CAPN8: variants seen among roughly 807,000 people sequenced by gnomAD.
CAPN8 encodes the protein calpain-8.
Under a neutral mutation model 80.9 loss-of-function variants are expected in CAPN8, and 87 were observed. The ratio of observed to expected loss-of-function variants is 1.07; its 90% CI spans 0.90 to 1.28. The LOEUF (loss-of-function observed/expected upper bound fraction) is 1.28. CAPN8 is among the 50% of genes most tolerant of loss of function. The pLI is 0.00. For missense variants in CAPN8, 757 were observed against 702.0 expected (o/e 1.08, Z -0.89); for synonymous variants, 299 against 273.8 (o/e 1.09, Z -0.91).
rs1656524192 is a variant in CAPN8 at position 223,543,300 on chromosome 1, C to T, written c.2030-134G>A. ...CCCCTACCACCCCCTCCCCTCCAGC[C>T]CCCACCTAGGCCCAGGGGCCTCAAA... is the stretch of plus-strand genomic sequence containing the variant. On this transcript the variant is annotated intron_variant, in intron 19 of 20. Coordinates refer to ENST00000366872, the MANE Select transcript of CAPN8 (RefSeq NM_001143962.2). 6 of 1,065,190 alleles carry T rather than the reference C, an allele frequency of 5.6e-6. No individual in the cohort carries two copies. In the South Asian group the frequency reaches 9.8e-5, roughly 17 times the overall value. The allele number at this position is 1,065,190 out of a possible 1,614,324, so 66.0% of individuals were successfully genotyped here.
At chr1:223,618,944 C>G (rs965596323) in intron 9 of CAPN8, among the ~76,000 whole-genome samples, 2 of 152,218 alleles carry the variant, frequency 1.3e-5, no homozygotes, top group Admixed American at 1.3e-4. Flanking sequence ...AATCCCAGAA[C>G]TTTGGGAGGC....
intron 1 of CAPN8, among the ~76,000 whole-genome samples, chr1:223,657,367 T>C (rs1393123742): frequency 6.6e-6 from 1 of 151,872 alleles, no homozygotes; most frequent in Admixed American, 6.6e-5. Context: ...TTAATTTAAA[T>C]GTTGTTTTTA....
chr1:223,626,966 A>T, intron 5 of CAPN8, 23 bp downstream of exon 5: 1 of 1,545,664 alleles, frequency 6.5e-7, no homozygotes, highest in Non-Finnish European at 8.8e-7. Flanking sequence ...GAGGTGGGGC[A>T]GTAGAGAAGC....
At chr1:223,623,543 T>C (rs1254319984) in intron 6 of CAPN8, among the ~76,000 whole-genome samples, 1 of 152,202 alleles carries the variant, frequency 6.6e-6, no homozygotes, top group Non-Finnish European at 1.5e-5. Flanking sequence ...CATAAGCCCC[T>C]TGGGCCCCTG....
Position 223,544,649 on chromosome 1 carries a change from T to C in CAPN8, c.1912+123A>G, listed in dbSNP as rs183891611. 2.2e-3 allele frequency: 2,990 copies of C among 1,362,858 alleles called. 4 individuals carry two copies. Among genetic ancestry groups the C allele is most frequent in the Non-Finnish European group, 2.7e-3 (2,733 of 1,004,952 alleles). The allele number at this position is 1,362,858 out of a possible 1,614,324, so 84.4% of individuals were successfully genotyped here. ...AAGGTACTCAACAAAGCTCTGTTGT[T>C]GCCTTGATATCCCATATAAGAAAGC... On this transcript the variant is annotated intron_variant, in intron 18 of 20. Transcript: ENST00000366872.
chr1:223,616,132 G>C lies in CAPN8; in HGVS notation c.1149C>G (p.Thr383=), dbSNP rs766632046. Reference sequence around the variant, plus strand: ...CCAAACGGATTTTGAACTGGGGATTGGTCCAGTACGTGGCTGGAAGTCACC... The same window carrying C: ...CCAAACGGATTTTGAACTGGGGATTCGTCCAGTACGTGGCTGGAAGTCACC... ...GCQNYPATYW[T]NPQFKIRLDE... is the part of the protein sequence containing the mutation. Residue 383 remains threonine (T), a synonymous_variant, in exon 10 of 21, where the codon ACC becomes ACG. Transcript: ENST00000366872. 2 of 1,548,696 alleles carry C rather than the reference G, an allele frequency of 1.3e-6. No homozygotes were observed. The highest frequency in any genetic ancestry group is 2.4e-5 in the South Asian group (2 of 83,936).
chr1:223,657,343 AAG>A (rs954719258), intron 1 of CAPN8, among the ~76,000 whole-genome samples: 7 of 152,172 alleles, frequency 4.6e-5, no homozygotes, highest in African/African-American at 1.7e-4. Flanking sequence ...AGTAAAAAGA[AAG>A]AGAAAAAAAT....
At position 223,546,014 on chromosome 1, in the gene CAPN8, A is replaced by G. The variant is rs1355879301; in HGVS notation, c.1765-715T>C. ...ATTTTTTTTTTTTTTTTTTTTTTTT[A>G]GTAGAGATGGTTTCACCATGTTGGC... is the stretch of plus-strand genomic sequence containing the variant. On this transcript the variant is annotated intron_variant, in intron 16 of 20. Transcript: ENST00000366872. Among the ~76,000 whole-genome samples, 9 of 88,486 alleles carry G rather than the reference A, an allele frequency of 1.0e-4. No individual in the cohort carries two copies. The South Asian group carries it at 2.7e-3, about 26-fold the overall frequency. 58.1% of individuals were successfully genotyped at this position (88,486 alleles called of 152,430 possible). A position where few individuals can be genotyped will look rare whatever the true frequency, so the allele number is the denominator to read the frequency against.
Position 223,609,135 on chromosome 1 carries a change from G to C in CAPN8, c.1535+18C>G. ...CCCACAGACAACTGTTCCCCACCACGGAGGGAAGGAGACGCACAGGGCCTG... is the reference window on the plus strand; with the variant it reads ...CCCACAGACAACTGTTCCCCACCACCGAGGGAAGGAGACGCACAGGGCCTG... On this transcript the variant is annotated intron_variant, in intron 12 of 20. Transcript: ENST00000366872. 7.5e-6 allele frequency: 3 copies of C among 398,346 alleles called. No homozygotes were observed. Among genetic ancestry groups the C allele is most frequent in the Admixed American group, 8.8e-5 (2 of 22,704 alleles). 24.7% of individuals were successfully genotyped at this position (398,346 alleles called of 1,614,324 possible).
rs114722244 is a variant in CAPN8, at chr1:223,634,417, G to A, written c.308-5637C>T. Among the ~76,000 whole-genome samples, 966 of 152,244 alleles carry A rather than the reference G, an allele frequency of 6.3e-3. 15 individuals are homozygous for A. Among genetic ancestry groups the A allele is most frequent in the African/African-American group, 0.021 (856 of 41,544 alleles). On this transcript the variant is annotated intron_variant, in intron 2 of 20. Transcript: ENST00000366872. Reference sequence around the variant, plus strand: ...AGCACTAGGGTACGTAAGGACTAGCGGGCTTCTCTCATTGGTGGGAGGACA... The same window carrying A: ...AGCACTAGGGTACGTAAGGACTAGCAGGCTTCTCTCATTGGTGGGAGGACA...
intron 16 of CAPN8, among the ~76,000 whole-genome samples, chr1:223,546,854 T>C (rs1656634690): frequency 6.6e-6 from 1 of 152,058 alleles, no homozygotes; most frequent in Non-Finnish European, 1.5e-5. Context: ...AATCAGGATC[T>C]CCAGGAATCA....
chr1:223,665,650 C>A lies in CAPN8; in HGVS notation c.-4G>T, dbSNP rs1175663554. The A allele has an allele frequency of 6.4e-7, 1 of 1,550,740 alleles. No individual in the cohort carries two copies. Among genetic ancestry groups the A allele is most frequent in the South Asian group, 1.2e-5 (1 of 83,996 alleles). On this transcript the variant is annotated 5_prime_UTR_variant, in exon 1 of 21. Transcript: ENST00000366872. ...CACCAGCTGCCTGGGCTGCCATGGC[C>A]GTGGGCTCTGTAGGGTGGACAGAAG...
chr1:223,622,634 G>T, intron 7 of CAPN8, 181 bp downstream of exon 7: 1 of 602,066 alleles, frequency 1.7e-6, no homozygotes, highest in Non-Finnish European at 2.9e-6. Flanking sequence ...CAGCCCAGTG[G>T]TTTTTATTTT....
intron 11 of CAPN8, among the ~76,000 whole-genome samples, chr1:223,611,298 T>G (rs1043766939): frequency 6.6e-6 from 1 of 152,228 alleles, no homozygotes; most frequent in African/African-American, 2.4e-5. Flanking sequence ...CACCTCTCCA[T>G]GAGACATACC....
chr1:223,637,317 C>G (rs994127302), intron 2 of CAPN8, among the ~76,000 whole-genome samples: 1 of 152,314 alleles, frequency 6.6e-6, no homozygotes, highest in South Asian at 2.1e-4. Flanking sequence ...CACCTCTGCC[C>G]TTTCCCCCAG....
At chr1:223,629,084 G>T (rs1657693273) in intron 2 of CAPN8, 2 of 362,330 alleles carry the variant, frequency 5.5e-6, no homozygotes, top group Non-Finnish European at 1.0e-5. Flanking sequence ...GAAGAGGAGA[G>T]GAGAGAAAAG....
chr1:223,643,686 T>A (rs1658105949), intron 2 of CAPN8, among the ~76,000 whole-genome samples: 1 of 152,214 alleles, frequency 6.6e-6, no homozygotes, highest in African/African-American at 2.4e-5. Context: ...CTGGAGCACA[T>A]CTACAGAAGC....
chr1:223,619,237 C>T (rs1220552356), intron 9 of CAPN8, 56 bp downstream of exon 9: 1 of 1,530,928 alleles, frequency 6.5e-7, no homozygotes, highest in East Asian at 2.5e-5. Context: ...ATAAAATGAC[C>T]CAGCTCAGGG....
Position 223,665,627 on chromosome 1 carries a change from C to G in CAPN8, c.20G>C (p.Gly7Ala). 1 of 1,551,474 alleles carries G rather than the reference C, an allele frequency of 6.4e-7. No individual in the cohort carries two copies. Residue 7 changes from glycine to alanine, a missense_variant, in exon 1 of 21, where the codon GGT becomes GCT. Coordinates refer to ENST00000366872, the MANE Select transcript of CAPN8 (RefSeq NM_001143962.2). ...AGTGGCTGCCCGCTGCCTAGATACA[C>G]CAGCTGCCTGGGCTGCCATGGCCGT... MAAQAA[G>A]VSRQRAATQG... is the part of the protein sequence containing the mutation.
Sources: allele counts gnomAD v4.1 joint callset (sites outside exome capture counted in the v4.1 genomes callset), GRCh38; gene constraint gnomAD v4.1.1; transcripts MANE v1.5; gene names NCBI Gene and HGNC (gene_info 2026-07-23, HGNC 2026-07-21).